The following DDX50 variants were observed in gnomAD, a reference collection of about 807,000 sequenced individuals.
DDX50 encodes the protein DExD-box helicase 50.
In DDX50, 56 loss-of-function variants were observed where a neutral mutation model predicts 94.8. The ratio of observed to expected loss-of-function variants is 0.59; its 90% confidence interval spans 0.48 to 0.74. The LOEUF is 0.74. DDX50 is among the 30% of genes least tolerant of loss of function. DDX50 has a pLI of 0.00. For synonymous variants in DDX50, 264 were observed against 295.4 expected (o/e 0.89, Z 1.09); for missense variants, 713 against 881.2 (o/e 0.81, Z 2.42).
intron 14 of DDX50, among the ~76,000 whole-genome samples, chr10:68,944,519 CTTT>C (rs1276525249): frequency 6.6e-6 from 1 of 152,006 alleles, no homozygotes; most frequent in East Asian, 1.9e-4. Context: ...TAACACAGTT[CTTT>C]TTTTCTTTTC....
intron 8 of DDX50, among the ~76,000 whole-genome samples, chr10:68,930,114 CTTTTTTTT>C (rs34023657): frequency 2.0e-5 from 2 of 99,774 alleles, no homozygotes; most frequent in Non-Finnish European, 3.8e-5. Flanking sequence ...CTTTCCTTTC[CTTTTTTTT>C]TTTTTTTTTT....
chr10:68,924,407 GAGTA>G (rs1215509497), intron 8 of DDX50, among the ~76,000 whole-genome samples: 3 of 152,078 alleles, frequency 2.0e-5, no homozygotes, highest in Non-Finnish European at 2.9e-5. Context: ...TCAGCCTCCT[GAGTA>G]ACTGGGACTA....
rs190768765 is a variant in DDX50, at chr10:68,940,173, G to A, written c.1756-887G>A. 1.1e-3 allele frequency among the ~76,000 whole-genome samples: 164 copies of A among 152,096 alleles called. 4 individuals are homozygous for A. Among genetic ancestry groups the A allele is most frequent in the Admixed American group, 7.5e-3 (114 of 15,272 alleles). On this transcript the variant is annotated intron_variant, in intron 12 of 14. Coordinates refer to ENST00000373585, the MANE Select transcript of DDX50 (RefSeq NM_024045.2). ...GGAGGCTGAAGCAGGCAGATCACTTGAGTCCAGGGGTTCAAGACCAACCTG... is the reference window on the plus strand; with the variant it reads ...GGAGGCTGAAGCAGGCAGATCACTTAAGTCCAGGGGTTCAAGACCAACCTG...
At chr10:68,913,667 C>T (rs898229535) in intron 6 of DDX50, 91 bp downstream of exon 6, 6 of 1,245,584 alleles carry the variant, frequency 4.8e-6, no homozygotes, top group Non-Finnish European at 6.6e-6. Flanking sequence ...ATTGCAGTGT[C>T]CCCTGCGTTC....
intron 8 of DDX50, among the ~76,000 whole-genome samples, chr10:68,927,663 T>C (rs867466489): frequency 5.9e-5 from 9 of 152,316 alleles, no homozygotes; most frequent in African/African-American, 2.2e-4. Flanking sequence ...TAAAAAAATA[T>C]ATATTTGCCA....
In DDX50 at chr10:68,946,481, CG is replaced by C; in HGVS notation, c.2067del (p.Ser690GlnfsTer58). On this transcript the variant is annotated frameshift_variant, in exon 15 of 15. Coordinates refer to ENST00000373585, the MANE Select transcript of DDX50 (RefSeq NM_024045.2). LOFTEE classifies it high-confidence loss of function. ...TGGCTGGTCAAGTGGTCGATCAGGC[CG>C]GTCAGGCCGGTCAGGTGGTCGATCT... ...RSGWSSGRSG[R>X]SGRSGGRSGG... 1 of 1,613,912 alleles carries C rather than the reference CG, an allele frequency of 6.2e-7. No individual in the cohort carries two copies. Among genetic ancestry groups the C allele is most frequent in the African/African-American group, 1.3e-5 (1 of 75,020 alleles).
intron 14 of DDX50, among the ~76,000 whole-genome samples, chr10:68,944,670 C>A (rs911381488): frequency 2.0e-5 from 3 of 152,148 alleles, no homozygotes; most frequent in African/African-American, 7.2e-5. Context: ...CCTCAGCCTC[C>A]CGAGTAGCTG....
intron 7 of DDX50, among the ~76,000 whole-genome samples, chr10:68,917,553 T>A (rs1841831197): frequency 6.6e-6 from 1 of 152,216 alleles, no homozygotes; most frequent in Non-Finnish European, 1.5e-5. Context: ...CTTATTTTTT[T>A]ACTGTTAACA....
Position 68,946,609 on chromosome 10 carries a change from C to G in DDX50, c.2193C>G (p.Gly731=), listed in dbSNP as rs750801742. ...ATAGAAATCGATCAAGAAGTGGGGG[C>G]CACAAACGGAGTTTTGACTGAGTAT... ...SGNRNRSRSG[G]HKRSFD is the part of the protein sequence containing the mutation. Residue 731 remains glycine, a synonymous_variant, in exon 15 of 15, where the codon GGC becomes GGG. Coordinates refer to ENST00000373585, the MANE Select transcript of DDX50 (RefSeq NM_024045.2). 2.5e-6 allele frequency: 4 copies of G among 1,613,760 alleles called. No homozygotes were observed. Among genetic ancestry groups the G allele is most frequent in the Non-Finnish European group, 3.4e-6 (4 of 1,179,876 alleles).
intron 7 of DDX50, among the ~76,000 whole-genome samples, chr10:68,916,886 A>C (rs1261680999): frequency 6.6e-6 from 1 of 152,046 alleles, no homozygotes; most frequent in Non-Finnish European, 1.5e-5. Context: ...GGGTTTTGCC[A>C]TGTTGGCCAG....
intron 1 of DDX50, 81 bp from the exon 2 acceptor site, chr10:68,906,630 G>A (rs1841450924): frequency 6.8e-7 from 1 of 1,462,842 alleles, no homozygotes; most frequent in Non-Finnish European, 9.4e-7. Flanking sequence ...TGAACTGGTG[G>A]GGGAGTCATG....
Position 68,936,981 on chromosome 10 carries a change from A to G in DDX50, c.1641A>G (p.Pro547=). ...ACGCTGCTGTTGATTTTTTCCGACC[A>G]TCAGCTCAGAGACTGATAGAAGAGA... ...VSYAAVDFFR[P]SAQRLIEEKG... is the part of the protein sequence containing the mutation. Residue 547 remains proline, a synonymous_variant, in exon 12 of 15, where the codon CCA becomes CCG. Coordinates refer to ENST00000373585, the MANE Select transcript of DDX50 (RefSeq NM_024045.2). The G allele has an allele frequency of 6.2e-7, 1 of 1,610,464 alleles. No individual in the cohort carries two copies. The highest frequency in any genetic ancestry group is 8.5e-7 in the Non-Finnish European group (1 of 1,178,848).
chr10:68,940,073 T>G (rs1479875848), intron 12 of DDX50, among the ~76,000 whole-genome samples: 1 of 152,270 alleles, frequency 6.6e-6, no homozygotes, highest in East Asian at 1.9e-4. Flanking sequence ...TAATTTTTGC[T>G]TATGTAACAC....
chr10:68,916,836 C>T (rs1395360260), intron 7 of DDX50, among the ~76,000 whole-genome samples: 2 of 152,094 alleles, frequency 1.3e-5, no homozygotes, highest in South Asian at 2.1e-4. Flanking sequence ...AGGCGCCCAC[C>T]ACCACACCTG....
chr10:68,941,200 C>CT lies in DDX50; in HGVS notation c.1890+10dup. On this transcript the variant is annotated splice_region_variant and intron_variant, in intron 13 of 14. Coordinates refer to ENST00000373585, the MANE Select transcript of DDX50 (RefSeq NM_024045.2). ...GCCTCCTGAAAGGAAATATGGTAGG[C>CT]TTTTCCAGACAATTAAAAAGCTTTT... The CT allele has an allele frequency of 6.2e-7, 1 of 1,605,786 alleles. No individual in the cohort carries two copies. The highest frequency in any genetic ancestry group is 8.5e-7 in the Non-Finnish European group (1 of 1,177,900).
At position 68,946,617 on chromosome 10, in the gene DDX50, G is replaced by A. The variant is rs751774143; in HGVS notation, c.2201G>A (p.Arg734Gln). The A allele has an allele frequency of 3.7e-6, 6 of 1,613,540 alleles. No individual in the cohort carries two copies. The highest frequency in any genetic ancestry group is 5.1e-6 in the Non-Finnish European group (6 of 1,179,812). Residue 734 changes from arginine (R) to glutamine (Q), a missense_variant, in exon 15 of 15, where the codon CGG (arginine) becomes CAG (glutamine). Physicochemically the swap from Arg to Gln is conservative, Grantham distance 43. Coordinates refer to ENST00000373585, the MANE Select transcript of DDX50 (RefSeq NM_024045.2). ...CGATCAAGAAGTGGGGGCCACAAAC[G>A]GAGTTTTGACTGAGTATTTGATAGT... ...RNRSRSGGHK[R>Q]SFD
At chr10:68,946,265 T>C (rs762615947) in intron 14 of DDX50, 87 bp from the exon 15 acceptor site, 290 of 1,453,016 alleles carry the variant, frequency 2.0e-4, no homozygotes, top group Non-Finnish European at 2.4e-4. Flanking sequence ...AGCTAATAGA[T>C]ATGAAAAAGG....
rs531112152 is a variant in DDX50 at position 68,904,476 on chromosome 10, A to G, written c.88-2235A>G. On this transcript the variant is annotated intron_variant, in intron 1 of 14. Transcript: ENST00000373585. ...AGCCATGAAAATAGTACTAAAAGTG[A>G]ACATAGAGAACAGATACTCAAGGAG... Among the ~76,000 whole-genome samples the G allele has an allele frequency of 2.6e-5, 4 of 152,348 alleles. No individual in the cohort carries two copies. In the East Asian group the frequency reaches 7.7e-4, roughly 29 times the overall value.
At chr10:68,942,286 G>C (rs778892231) in intron 13 of DDX50, among the ~76,000 whole-genome samples, 45 of 152,096 alleles carry the variant, frequency 3.0e-4, no homozygotes, top group Non-Finnish European at 6.2e-4. Flanking sequence ...TCTTCTAATG[G>C]TTTTGAAAAA....
Sources: allele counts gnomAD v4.1 joint callset (sites outside exome capture counted in the v4.1 genomes callset), GRCh38; gene constraint gnomAD v4.1.1; transcripts MANE v1.5; gene names NCBI Gene and HGNC (gene_info 2026-07-23, HGNC 2026-07-21).